The following LINGO2 variants were observed in gnomAD, a reference collection of about 807,000 sequenced individuals.
LINGO2 encodes leucine-rich repeat and immunoglobulin-like domain-containing nogo receptor-interacting protein 2.
A neutral mutation model predicts 30.6 loss-of-function variants in LINGO2; 14 were observed. That is an observed-to-expected ratio of 0.46 (90% CI 0.30 to 0.72). LINGO2 has a LOEUF of 0.72. LINGO2 is among the 30% of genes least tolerant of loss of function. LINGO2 has a pLI of 0.07. For missense variants in LINGO2, 729 were observed against 751.7 expected (o/e 0.97, Z 0.35); for synonymous variants, 317 against 288.5 (o/e 1.10, Z -1.00).
At chr9:28,483,621 T>A (rs555574338) in intron 1 of LINGO2, among the ~76,000 whole-genome samples, 1 of 152,076 alleles carries the variant, frequency 6.6e-6, no homozygotes, top group African/African-American at 2.4e-5. Context: ...AAATAACTGT[T>A]AAGTATGTAC....
intron 4 of LINGO2, among the ~76,000 whole-genome samples, chr9:28,026,993 G>C (rs141553656): frequency 6.6e-6 from 1 of 152,044 alleles, no homozygotes; most frequent in African/African-American, 2.4e-5. Flanking sequence ...GTTATCTAAT[G>C]GTCCATCTTT....
chr9:28,890,855 T>C, the LINGO2 span, among the ~76,000 whole-genome samples: 1 of 152,074 alleles, frequency 6.6e-6, no homozygotes, highest in African/African-American at 2.4e-5. Context: ...TTTTTCTTTT[T>C]TCCACACCTA....
At chr9:28,420,024 A>G (rs1175265059) in intron 2 of LINGO2, among the ~76,000 whole-genome samples, 8 of 152,120 alleles carry the variant, frequency 5.3e-5, no homozygotes, top group Admixed American at 3.3e-4. Flanking sequence ...GCAGTGCTAT[A>G]GTATATCAAA....
intron 3 of LINGO2, among the ~76,000 whole-genome samples, chr9:28,314,509 G>A (rs908719331): frequency 3.3e-5 from 5 of 152,038 alleles, no homozygotes; most frequent in Admixed American, 6.6e-5. Flanking sequence ...TCAAGGCACC[G>A]AGTTTATTTT....
intron 5 of LINGO2, among the ~76,000 whole-genome samples, chr9:28,001,243 T>G (rs1465494610): frequency 6.6e-6 from 1 of 152,204 alleles, no homozygotes; most frequent in Non-Finnish European, 1.5e-5. Flanking sequence ...GCAGCCAGCT[T>G]GGCTTCCCTT....
chr9:28,422,167 T>C (rs758942051), intron 2 of LINGO2, among the ~76,000 whole-genome samples: 17 of 151,918 alleles, frequency 1.1e-4, no homozygotes, highest in South Asian at 4.1e-4. Flanking sequence ...AAATGACAAA[T>C]GGAATTCTAT....
intron 4 of LINGO2, among the ~76,000 whole-genome samples, chr9:28,265,375 C>G (rs1422064884): frequency 6.6e-6 from 1 of 151,898 alleles, no homozygotes; most frequent in Non-Finnish European, 1.5e-5. Flanking sequence ...ATAGCCCCTC[C>G]TGTTAGTCAG....
At chr9:28,123,580 A>G (rs1463803536) in intron 4 of LINGO2, among the ~76,000 whole-genome samples, 1 of 152,234 alleles carries the variant, frequency 6.6e-6, no homozygotes, top group Non-Finnish European at 1.5e-5. Flanking sequence ...GCATTCAAAA[A>G]TGCTTCTGTA....
intron 3 of LINGO2, among the ~76,000 whole-genome samples, chr9:28,335,979 T>C (rs1206258257): frequency 6.6e-6 from 1 of 152,100 alleles, no homozygotes; most frequent in African/African-American, 2.4e-5. Context: ...TGTAATATTG[T>C]AGGTTTAATT....
chr9:28,865,726 G>A, the LINGO2 span, among the ~76,000 whole-genome samples: 1 of 152,204 alleles, frequency 6.6e-6, no homozygotes, highest in African/African-American at 2.4e-5. Context: ...AGAGGTTGCA[G>A]TGAGCCAAGA....
chr9:27,975,903 A>G (rs529819276), intron 5 of LINGO2, among the ~76,000 whole-genome samples: 45 of 152,068 alleles, frequency 3.0e-4, no homozygotes, highest in Non-Finnish European at 5.1e-4. Context: ...TGATAGTTGC[A>G]TAGTAAAGAA....
intron 1 of LINGO2, among the ~76,000 whole-genome samples, chr9:28,485,969 G>T (rs1320862373): frequency 1.3e-5 from 2 of 152,060 alleles, no homozygotes; most frequent in Non-Finnish European, 2.9e-5. Flanking sequence ...CTTATTCTTG[G>T]TGTCTCTACT....
Position 28,022,576 on chromosome 9 carries a change from G to T in LINGO2, c.-86-10171C>A, listed in dbSNP as rs185186215. On this transcript the variant is annotated intron_variant, in intron 4 of 5. Transcript: ENST00000379992. ...GAGTTTCACTGGATATTCTATATTT[G>T]TGGACTTTTTCCCTTTCAACAGTTT... is the stretch of plus-strand genomic sequence containing the variant. Among the ~76,000 whole-genome samples the T allele has an allele frequency of 2.3e-3, 347 of 151,888 alleles. 2 individuals are homozygous for T. Among genetic ancestry groups the T allele is most frequent in the African/African-American group, 7.9e-3 (327 of 41,320 alleles).
chr9:28,850,368 G>A, the LINGO2 span, among the ~76,000 whole-genome samples: 1 of 151,846 alleles, frequency 6.6e-6, no homozygotes, highest in African/African-American at 2.4e-5. Context: ...CACACTCCTG[G>A]TTCCGTCTAG....
At chr9:28,877,653 A>G in the LINGO2 span, among the ~76,000 whole-genome samples, 2 of 152,160 alleles carry the variant, frequency 1.3e-5, no homozygotes, top group African/African-American at 4.8e-5. Context: ...TGGTGACTGT[A>G]GCCTTGTAGT....
intron 3 of LINGO2, among the ~76,000 whole-genome samples, chr9:28,371,238 A>G (rs1359857717): frequency 6.6e-6 from 1 of 152,214 alleles, no homozygotes; most frequent in Non-Finnish European, 1.5e-5. Context: ...GCTCCATTTC[A>G]ACCCATTGAC....
intron 4 of LINGO2, among the ~76,000 whole-genome samples, chr9:28,142,288 C>T (rs916297856): frequency 6.6e-6 from 1 of 151,366 alleles, no homozygotes. Context: ...AAAACCAACA[C>T]ACGAAATTAG....
At chr9:28,526,677 T>C (rs567117212) in intron 1 of LINGO2, among the ~76,000 whole-genome samples, 2 of 152,312 alleles carry the variant, frequency 1.3e-5, no homozygotes, top group East Asian at 3.9e-4. Flanking sequence ...GCAGACCTTT[T>C]GGCCAAATGG....
chr9:28,981,827 T>C, the LINGO2 span, among the ~76,000 whole-genome samples: 2 of 152,070 alleles, frequency 1.3e-5, no homozygotes, highest in African/African-American at 4.8e-5. Flanking sequence ...TCAGGCTCCA[T>C]TTCTACAAGG....
Sources: allele counts gnomAD v4.1 joint callset (sites outside exome capture counted in the v4.1 genomes callset), GRCh38; gene constraint gnomAD v4.1.1; transcripts MANE v1.5; gene names NCBI Gene and HGNC (gene_info 2026-07-23, HGNC 2026-07-21).